Variants in TUSC3 observed in about 807,000 individuals in gnomAD.
TUSC3 encodes dolichyl-diphosphooligosaccharide--protein glycosyltransferase subunit TUSC3.
A neutral mutation model predicts 44.8 loss-of-function variants in TUSC3; 45 were observed. The observed-to-expected ratio is 1.00, with a 90% CI of 0.79 to 1.29. TUSC3 has a LOEUF of 1.29. TUSC3 is among the 50% of genes most tolerant of loss of function. The pLI is 0.00. For missense variants in TUSC3, 519 were observed against 437.9 expected (o/e 1.19, Z -1.65); for synonymous variants, 212 against 152.9 (o/e 1.39, Z -2.85).
intron 9 of TUSC3, among the ~76,000 whole-genome samples, chr8:15,754,691 T>C (rs1480640631): frequency 3.3e-5 from 5 of 152,178 alleles, no homozygotes; most frequent in African/African-American, 9.6e-5. Flanking sequence ...TGTCTTCGTT[T>C]TGCATTTTTG....
intron 6 of TUSC3, among the ~76,000 whole-genome samples, chr8:15,692,284 CTTGTTTTG>C (rs1319597869): frequency 4.7e-5 from 6 of 128,950 alleles, no homozygotes; most frequent in Admixed American, 3.3e-4. Context: ...CTACTGTTTT[CTTGTTTTG>C]TTGTTTCTCT....
At chr8:15,462,508 CG>C (rs1416764553) in intron 1 of TUSC3, among the ~76,000 whole-genome samples, 1 of 151,980 alleles carries the variant, frequency 6.6e-6, no homozygotes. Context: ...CTCTACACAA[CG>C]ACTGCCTGTT....
At chr8:15,719,516 CCACACA>C (rs56066329) in intron 6 of TUSC3, among the ~76,000 whole-genome samples, 33 of 16,236 alleles carry the variant, frequency 2.0e-3, no homozygotes, top group African/African-American at 5.4e-3. Flanking sequence ...CACACACACA[CCACACA>C]CACACACACA....
chr8:15,504,617 ATATATTT>A (rs1249643181), intron 2 of TUSC3, among the ~76,000 whole-genome samples: 22 of 17,334 alleles, frequency 1.3e-3, no homozygotes, highest in Middle Eastern at 0.062. Context: ...ATATATATAT[ATATATTT>A]TTTTTTTTTT....
intron 1 of TUSC3, among the ~76,000 whole-genome samples, chr8:15,564,032 A>G (rs538499126): frequency 6.6e-6 from 1 of 152,094 alleles, no homozygotes; most frequent in Non-Finnish European, 1.5e-5. Context: ...TGCTTTAAAG[A>G]AATGTTTCCC....
chr8:15,850,361 T>C, the TUSC3 span, among the ~76,000 whole-genome samples: 369 of 152,294 alleles, frequency 2.4e-3, 2 homozygotes, highest in African/African-American at 8.3e-3. Context: ...TCTCCCATAG[T>C]TGATTATATA....
chr8:15,734,688 A>G (rs1810861109), intron 7 of TUSC3, among the ~76,000 whole-genome samples: 1 of 152,212 alleles, frequency 6.6e-6, no homozygotes, highest in Admixed American at 6.5e-5. Context: ...GGAAGTAGCA[A>G]GAGAGGAACT....
In TUSC3 at chr8:15,623,151, T is replaced by C; in HGVS notation, c.210T>C (p.Gly70=). 1 of 1,613,922 alleles carries C rather than the reference T, an allele frequency of 6.2e-7. No homozygotes were observed. ...GACGCTCAATCTTCCGAATGAATGG[T>C]GATAAATTCCGAAAATTTATAAAGG... is the stretch of plus-strand genomic sequence containing the variant. ...SSRRSIFRMN[G]DKFRKFIKAP... is the part of the protein sequence containing the mutation. The change falls in exon 2 of 11, where the codon GGT becomes GGC. Residue 70 remains glycine, a synonymous_variant. Transcript: ENST00000503731.
chr8:15,780,952 T>C, the TUSC3 span, among the ~76,000 whole-genome samples: 1 of 152,220 alleles, frequency 6.6e-6, no homozygotes, highest in Non-Finnish European at 1.5e-5. Context: ...GCAAAGCTCC[T>C]TGTTTTACCC....
intron 6 of TUSC3, among the ~76,000 whole-genome samples, chr8:15,700,016 C>T (rs1170117585): frequency 1.3e-5 from 2 of 152,220 alleles, no homozygotes; most frequent in Admixed American, 1.3e-4. Context: ...TTATTATCTA[C>T]ATTTGAATAG....
intron 5 of TUSC3, among the ~76,000 whole-genome samples, chr8:15,665,781 A>G (rs1295597644): frequency 6.6e-6 from 1 of 151,364 alleles, no homozygotes; most frequent in Non-Finnish European, 1.5e-5. Flanking sequence ...TCTTAGTTTT[A>G]AAAAAGAGCT....
At chr8:15,775,865 A>G in the TUSC3 span, among the ~76,000 whole-genome samples, 5 of 151,306 alleles carry the variant, frequency 3.3e-5, no homozygotes, top group African/African-American at 1.2e-4. Context: ...GTGCCTTTAT[A>G]TAGGAGCAAG....
intron 2 of TUSC3, among the ~76,000 whole-genome samples, chr8:15,497,924 T>C (rs962267362): frequency 6.6e-6 from 1 of 151,956 alleles, no homozygotes; most frequent in African/African-American, 2.4e-5. Flanking sequence ...AATTTTTATA[T>C]TTTTACTAGA....
chr8:15,799,311 C>T, the TUSC3 span, among the ~76,000 whole-genome samples: 43 of 152,104 alleles, frequency 2.8e-4, no homozygotes, highest in Non-Finnish European at 4.9e-4. Context: ...GAATAATGGT[C>T]CCAAAGTTTC....
At position 15,457,336 on chromosome 8, in the gene TUSC3, A is replaced by AAAAAAAC. The variant is rs1324453963; in HGVS notation, n.92-26045_92-26044insACAAAAA. ...TATAATAAAAATATATATATATTTA[A>AAAAAAAC]AAAAACAAAAACAAATAGAAAAGTA... On this transcript the variant is annotated intron_variant and non_coding_transcript_variant, in intron 1 of 5. Coordinates refer to the TUSC3 transcript ENST00000503191. Among the ~76,000 whole-genome samples the AAAAAAAC allele has an allele frequency of 1.4e-4, 21 of 151,970 alleles. 1 individual carries two copies. Among genetic ancestry groups the AAAAAAAC allele is most frequent in the African/African-American group, 4.8e-4 (20 of 41,522 alleles).
At chr8:15,720,597 C>A (rs1272585433) in intron 6 of TUSC3, among the ~76,000 whole-genome samples, 2 of 152,044 alleles carry the variant, frequency 1.3e-5, no homozygotes, top group Non-Finnish European at 2.9e-5. Context: ...CAGTGACTTT[C>A]CAGATTTGCT....
chr8:15,515,032 G>GT (rs750393583), intron 2 of TUSC3, among the ~76,000 whole-genome samples: 31 of 152,062 alleles, frequency 2.0e-4, no homozygotes, highest in Non-Finnish European at 4.0e-4. Flanking sequence ...ACATGTTTTT[G>GT]TTTTTTTCTG....
intron 5 of TUSC3, among the ~76,000 whole-genome samples, chr8:15,663,313 TTATTA>T (rs1807510055): frequency 6.6e-6 from 1 of 151,802 alleles, no homozygotes; most frequent in Non-Finnish European, 1.5e-5. Context: ...AATAAAAATG[TTATTA>T]TATTAAAGAT....
intron 1 of TUSC3, among the ~76,000 whole-genome samples, chr8:15,443,195 TCA>T (rs1800043345): frequency 6.6e-6 from 1 of 151,984 alleles, no homozygotes; most frequent in African/African-American, 2.4e-5. Context: ...AGAAGGCATC[TCA>T]CACTGTCACC....
Sources: gnomAD v4.1 joint callset for allele counts (sites outside exome capture counted in the v4.1 genomes callset) on GRCh38, gnomAD v4.1.1 for gene constraint, MANE v1.5 for transcripts, NCBI Gene and HGNC (gene_info 2026-07-23, HGNC 2026-07-21) for gene names.